DTNA: variants seen among roughly 807,000 people sequenced by gnomAD.
DTNA encodes dystrobrevin alpha, also known as dystrophin-related protein 3.
A neutral mutation model predicts 100.7 loss-of-function variants in DTNA; 43 were observed. That is an observed-to-expected ratio of 0.43 (90% CI 0.33 to 0.55). The LOEUF is 0.55. DTNA is among the 20% of genes least tolerant of loss of function. DTNA has a pLI of 0.04. For missense variants in DTNA, 798 were observed against 953.9 expected (o/e 0.84, Z 2.15); for synonymous variants, 349 against 347.9 (o/e 1.00, Z -0.04).
intron 1 of DTNA, among the ~76,000 whole-genome samples, chr18:34,702,578 C>T (rs2081528146): frequency 6.6e-6 from 1 of 152,110 alleles, no homozygotes; most frequent in Non-Finnish European, 1.5e-5. Flanking sequence ...GGACCTTATC[C>T]CCACGTCCAG....
intron 1 of DTNA, among the ~76,000 whole-genome samples, chr18:34,573,045 A>G (rs974846874): frequency 2.0e-5 from 3 of 152,236 alleles, no homozygotes; most frequent in African/African-American, 7.2e-5. Flanking sequence ...AGAATAACAT[A>G]TAGAAGGTTC....
rs2075776816 is a variant in DTNA at position 34,665,419 on chromosome 18, T to TGA, written c.-1-90557_-1-90556insGA. On this transcript the variant is annotated intron_variant, in intron 1 of 19. Coordinates refer to the DTNA transcript ENST00000283365. ...TTAATGCATATTAGAGAAGAATTAT[T>TGA]TATATATATATTTTTTATTACACTT... Among the ~76,000 whole-genome samples the TGA allele has an allele frequency of 2.0e-5, 3 of 152,174 alleles. No homozygotes were observed. The South Asian group carries it at 6.2e-4, about 32-fold the overall frequency.
intron 12 of DTNA, 23 bp downstream of exon 12, chr18:34,838,194 T>C: frequency 6.2e-7 from 1 of 1,612,608 alleles, no homozygotes; most frequent in Non-Finnish European, 8.5e-7. Flanking sequence ...CAGAGTGTAC[T>C]GGAACCCTGC....
chr18:34,833,920 G>A (rs1023257319), intron 11 of DTNA, among the ~76,000 whole-genome samples: 1 of 152,130 alleles, frequency 6.6e-6, no homozygotes, highest in Admixed American at 6.5e-5. Flanking sequence ...TTGTATGAAA[G>A]CCATTGTCAC....
chr18:34,695,628 T>C (rs2080424694), intron 1 of DTNA, among the ~76,000 whole-genome samples: 1 of 152,156 alleles, frequency 6.6e-6, no homozygotes, highest in Non-Finnish European at 1.5e-5. Flanking sequence ...AATGGGCTGG[T>C]GAAACAGTAG....
intron 1 of DTNA, among the ~76,000 whole-genome samples, chr18:34,534,433 T>C (rs559596908): frequency 2.5e-4 from 38 of 152,210 alleles, no homozygotes; most frequent in Non-Finnish European, 4.7e-4. Flanking sequence ...CTCTTAGTTG[T>C]GAGACATTAT....
chr18:34,680,078 C>T (rs1401777377), intron 1 of DTNA, among the ~76,000 whole-genome samples: 1 of 151,906 alleles, frequency 6.6e-6, no homozygotes, highest in East Asian at 1.9e-4. Flanking sequence ...ATCGGGATAA[C>T]GTTTTAGATG....
Position 34,882,188 on chromosome 18 carries a change from A to G in DTNA, c.2282A>G (p.Asp761Gly). ...GAATACCTGAAACAGAAGCTGCAAG[A>G]TGAAGCTTATCAGGTACAGGGATCC... Reference protein sequence around the residue: ...MEEYLKQKLQDEAYQVSLQG With the variant: ...MEEYLKQKLQGEAYQVSLQG Residue 761 changes from aspartate (D) to glycine (G), a missense_variant, in exon 21 of 23, where the codon GAT becomes GGT. By Grantham distance (94) the Asp-to-Gly change is moderately conservative. Around this residue, in one of 6 missense-constraint regions of DTNA, gnomAD observed 242 missense variants for 238.2 expected, o/e 1.02. Coordinates refer to ENST00000444659, the MANE Select transcript of DTNA (RefSeq NM_001386795.1). 6.2e-7 allele frequency: 1 copy of G among 1,613,924 alleles called. No individual in the cohort carries two copies. The highest frequency in any genetic ancestry group is 8.5e-7 in the Non-Finnish European group (1 of 1,179,956).
At chr18:34,711,116 T>G (rs971537996) in intron 1 of DTNA, among the ~76,000 whole-genome samples, 3 of 152,234 alleles carry the variant, frequency 2.0e-5, no homozygotes, top group South Asian at 4.1e-4. Flanking sequence ...GAGTGCAAAA[T>G]GAACTCTTTT....
At chr18:34,667,488 C>A (rs1302781626) in intron 1 of DTNA, among the ~76,000 whole-genome samples, 2 of 152,182 alleles carry the variant, frequency 1.3e-5, no homozygotes, top group African/African-American at 4.8e-5. Context: ...GAGAGGGCAT[C>A]CCTGTCTTGT....
chr18:34,804,611 A>G (rs1047850437), intron 4 of DTNA, among the ~76,000 whole-genome samples: 2 of 152,202 alleles, frequency 1.3e-5, no homozygotes, highest in Non-Finnish European at 2.9e-5. Flanking sequence ...AACTAGGTAC[A>G]TGGTGTTTCT....
chr18:34,868,781 C>G, intron 17 of DTNA: 1 of 984,474 alleles, frequency 1.0e-6, no homozygotes, highest in Non-Finnish European at 1.2e-6. Flanking sequence ...TATGATATCA[C>G]AAGCAATAAA....
chr18:34,881,169 AACAACG>A (rs2096868033), intron 20 of DTNA, among the ~76,000 whole-genome samples: 1 of 152,226 alleles, frequency 6.6e-6, no homozygotes, highest in Non-Finnish European at 1.5e-5. Flanking sequence ...AATAAACGCA[AACAACG>A]ACATTTAAGT....
At position 34,866,016 on chromosome 18, in the gene DTNA, T is replaced by C. The variant is rs571029669; in HGVS notation, c.1743+1954T>C. ...GCCTGGACCTGCCGTCAAAGGTGTG[T>C]TGATGTTTCCCCATCTTGCGTTCCT... On this transcript the variant is annotated intron_variant, in intron 17 of 22. Coordinates refer to ENST00000444659, the MANE Select transcript of DTNA (RefSeq NM_001386795.1). 9 of 1,392,342 alleles carry C rather than the reference T, an allele frequency of 6.5e-6. No homozygotes were observed. In the East Asian group the frequency reaches 2.1e-4, roughly 32 times the overall value. 86.2% of individuals were successfully genotyped at this position (1,392,342 alleles called of 1,614,324 possible). A position where few individuals can be genotyped will look rare whatever the true frequency, so the allele number is the denominator to read the frequency against.
intron 1 of DTNA, among the ~76,000 whole-genome samples, chr18:34,682,858 A>G (rs1213091585): frequency 6.6e-6 from 1 of 152,158 alleles, no homozygotes; most frequent in African/African-American, 2.4e-5. Context: ...ATTAAACTTA[A>G]TATATTTAAA....
intron 1 of DTNA, among the ~76,000 whole-genome samples, chr18:34,589,451 T>C (rs2049467114): frequency 6.6e-6 from 1 of 151,700 alleles, no homozygotes; most frequent in Non-Finnish European, 1.5e-5. Context: ...TACTAAAAAA[T>C]ACAAAAAATT....
chr18:34,867,991 C>T, intron 17 of DTNA: 1 of 985,270 alleles, frequency 1.0e-6, no homozygotes. Context: ...TGCTTTTATA[C>T]ACAAGCCTCT....
At chr18:34,643,940 A>G (rs1486664822) in intron 1 of DTNA, among the ~76,000 whole-genome samples, 1 of 152,162 alleles carries the variant, frequency 6.6e-6, no homozygotes, top group Non-Finnish European at 1.5e-5. Context: ...CGGCTAGAAC[A>G]AAACTGTATA....
intron 3 of DTNA, among the ~76,000 whole-genome samples, chr18:34,784,878 A>G (rs2094455220): frequency 6.6e-6 from 1 of 151,462 alleles, no homozygotes. Context: ...CTTTCTCCAT[A>G]TGTTACAGCC....
Sources: gnomAD v4.1 joint callset for allele counts (sites outside exome capture counted in the v4.1 genomes callset) on GRCh38, gnomAD v4.1.1 for gene constraint, gnomAD v4.1.1 regional missense constraint, MANE v1.5 for transcripts, NCBI Gene and HGNC (gene_info 2026-07-23, HGNC 2026-07-21) for gene names.